Variants in PUS10 observed in about 807,000 individuals in gnomAD.
The protein encoded by PUS10 is tRNA pseudouridine synthase Pus10.
A neutral mutation model predicts 75.0 loss-of-function variants in PUS10; 59 were observed. That is an observed-to-expected ratio of 0.79 (90% CI 0.64 to 0.98). The LOEUF is 0.98. Among genes scored for constraint, PUS10 ranks in the 50% least tolerant of loss-of-function variants. The pLI, the probability that PUS10 is intolerant of heterozygous loss-of-function variation, is 0.00. For synonymous variants in PUS10, 219 were observed against 211.6 expected, an observed-to-expected ratio of 1.03 and a Z score of -0.30; for missense variants, 650 against 614.4, an observed-to-expected ratio of 1.06 and a Z score of -0.61.
rs192799078 is a variant in PUS10, at chr2:60,944,191, T to C, written c.1551+818A>G. 12 of 981,978 alleles carry C rather than the reference T, an allele frequency of 1.2e-5. No homozygotes were observed. The East Asian group carries it at 8.0e-4, about 65-fold the overall frequency. 60.8% of individuals were successfully genotyped at this position (981,978 alleles called of 1,614,324 possible). On this transcript the variant is annotated intron_variant, in intron 17 of 17. Transcript: ENST00000316752. ...CAGAAGGTTTTCTTCCTCCAAATGATAGTTTCACTGAAGAGGCTCCCTGCA... is the reference window on the plus strand; with the variant it reads ...CAGAAGGTTTTCTTCCTCCAAATGACAGTTTCACTGAAGAGGCTCCCTGCA...
chr2:61,008,611 G>T, intron 3 of PUS10, 150 bp downstream of exon 3: 1 of 618,328 alleles, frequency 1.6e-6, no homozygotes, highest in East Asian at 3.0e-5. Flanking sequence ...AGTCAGCTGT[G>T]ATTGTACCAC....
At chr2:60,979,295 C>T (rs1438348795) in intron 4 of PUS10, among the ~76,000 whole-genome samples, 2 of 152,132 alleles carry the variant, frequency 1.3e-5, no homozygotes, top group African/African-American at 4.8e-5. Flanking sequence ...CTAAGATTTC[C>T]TCCTTCTCCT....
chr2:61,001,646 T>A (rs531085023), intron 4 of PUS10, among the ~76,000 whole-genome samples: 14 of 152,294 alleles, frequency 9.2e-5, no homozygotes, highest in African/African-American at 2.9e-4. Flanking sequence ...GATCCCAGGT[T>A]GGCAAAAAAT....
intron 14 of PUS10, 75 bp downstream of exon 14, chr2:60,953,858 A>G (rs577708623): frequency 2.7e-6 from 3 of 1,093,050 alleles, no homozygotes; most frequent in South Asian, 1.3e-5. Context: ...TTCTGGATGC[A>G]ATTCCCTTAT....
intron 5 of PUS10, 58 bp from the exon 6 acceptor site, chr2:60,967,671 G>C (rs1462908450): frequency 5.1e-6 from 6 of 1,179,758 alleles, no homozygotes; most frequent in Middle Eastern, 2.0e-4. Flanking sequence ...TCTATTAAAG[G>C]CAAGAATTTA....
Position 60,950,784 on chromosome 2 carries a change from C to T in PUS10, c.1308+2213G>A, listed in dbSNP as rs142293988. Among the ~76,000 whole-genome samples, 623 of 152,146 alleles carry T rather than the reference C, an allele frequency of 4.1e-3. 7 individuals are homozygous for T. Among genetic ancestry groups the T allele is most frequent in the African/African-American group, 0.014 (584 of 41,502 alleles). ...ACTCTACCATTTCCTTATTGAGGGA[C>T]GCTGATTTTGTTCCCAGTCTTTTTG... On this transcript the variant is annotated intron_variant, in intron 15 of 17. Coordinates refer to ENST00000316752, the MANE Select transcript of PUS10 (RefSeq NM_144709.4).
chr2:60,947,179 A>G (rs1046864796), intron 16 of PUS10, among the ~76,000 whole-genome samples: 1 of 152,178 alleles, frequency 6.6e-6, no homozygotes, highest in Admixed American at 6.5e-5. Flanking sequence ...AAATGGTGCT[A>G]ACTAACTAAT....
Position 60,965,091 on chromosome 2 carries a change from G to A in PUS10, c.690C>T (p.Cys230=), listed in dbSNP as rs771103443. The A allele has an allele frequency of 6.8e-6, 11 of 1,613,326 alleles. No homozygotes were observed. Among genetic ancestry groups the A allele is most frequent in the Non-Finnish European group, 9.3e-6 (11 of 1,179,456 alleles). The change falls in exon 8 of 18, where the codon TGC becomes TGT. Residue 230 remains cysteine (C), a synonymous_variant. Transcript: ENST00000316752. ...TTTTGGCTGGCTTAAAACAATCTGG[G>A]CATATCGCAGCTCTAAAATAAAATT... ...VEDCHFLAAI[C]PDCFKPAKNK...
At chr2:60,962,693 G>C (rs910119194) in intron 9 of PUS10, 133 bp downstream of exon 9, 6 of 1,399,668 alleles carry the variant, frequency 4.3e-6, no homozygotes, top group East Asian at 5.8e-5. Flanking sequence ...GGGTTGGAGA[G>C]ATAACAATGA....
intron 4 of PUS10, among the ~76,000 whole-genome samples, chr2:60,980,455 T>G (rs1677311868): frequency 1.3e-5 from 2 of 152,224 alleles, no homozygotes; most frequent in Admixed American, 1.3e-4. Context: ...AGGATAAGGC[T>G]GACCTGTGAT....
At chr2:61,007,834 C>T (rs1206934826) in intron 3 of PUS10, among the ~76,000 whole-genome samples, 1 of 151,544 alleles carries the variant, frequency 6.6e-6, no homozygotes, top group African/African-American at 2.4e-5. Flanking sequence ...GCCTGTAATC[C>T]CAGCACTTTG....
At chr2:60,985,370 T>C (rs1022870556) in intron 4 of PUS10, among the ~76,000 whole-genome samples, 1 of 152,202 alleles carries the variant, frequency 6.6e-6, no homozygotes, top group Non-Finnish European at 1.5e-5. Context: ...CTCTCAGCAA[T>C]GAAAAACAGA....
intron 11 of PUS10, 31 bp downstream of exon 11, chr2:60,960,356 AAAAAG>A (rs1377469103): frequency 1.4e-6 from 2 of 1,465,422 alleles, no homozygotes; most frequent in Admixed American, 2.7e-5. Flanking sequence ...AAAAAAAAAA[AAAAAG>A]AAAGAAAAGT....
At position 60,951,236 on chromosome 2, in the gene PUS10, G is replaced by C. The variant is rs189961119; in HGVS notation, c.1308+1761C>G. 2.0e-5 allele frequency among the ~76,000 whole-genome samples: 3 copies of C among 152,170 alleles called. No individual in the cohort carries two copies. In the South Asian group the frequency reaches 6.2e-4, roughly 32 times the overall value. On this transcript the variant is annotated intron_variant, in intron 15 of 17. Transcript: ENST00000316752. ...TATACATATATATGCGTTTGTGTGT[G>C]CTTAAATCAGCAGTCCCCAACCTTT... is the stretch of plus-strand genomic sequence containing the variant.
In PUS10 at chr2:60,953,104, C is replaced by T; in HGVS notation, c.1201G>A (p.Gly401Arg). The change falls in exon 15 of 18, where the codon GGA becomes AGA. Residue 401 changes from glycine to arginine, a missense_variant. Physicochemically the swap from Gly to Arg is moderately radical, Grantham distance 125. Coordinates refer to ENST00000316752, the MANE Select transcript of PUS10 (RefSeq NM_144709.4). ...DLQLVTREAI[G>R]HMKEGEEEKT... ...TCTTCTTCACCTTCTTTCATATGTC[C>T]TATTGCCTCTCTAAACAAAAACAAT... 6.4e-7 allele frequency: 1 copy of T among 1,561,796 alleles called. No homozygotes were observed. Among genetic ancestry groups the T allele is most frequent in the South Asian group, 1.1e-5 (1 of 87,400 alleles).
chr2:60,952,219 C>T (rs946740648), intron 15 of PUS10, among the ~76,000 whole-genome samples: 6 of 151,394 alleles, frequency 4.0e-5, no homozygotes, highest in Non-Finnish European at 4.4e-5. Flanking sequence ...CTATAATCTC[C>T]GCTACCCAGG....
chr2:60,973,745 G>A (rs1028979595), intron 4 of PUS10, among the ~76,000 whole-genome samples: 2 of 152,370 alleles, frequency 1.3e-5, no homozygotes, highest in Admixed American at 6.5e-5. Context: ...TGAAGCCTGG[G>A]GGCTGGGCTG....
intron 3 of PUS10, 71 bp from the exon 4 acceptor site, chr2:61,006,714 C>T (rs1027072281): frequency 1.2e-5 from 15 of 1,209,478 alleles, no homozygotes; most frequent in African/African-American, 1.5e-5. Flanking sequence ...ATCTTAATAA[C>T]ATGAATTTCT....
chr2:60,961,327 G>C, intron 10 of PUS10, 136 bp downstream of exon 10: 3 of 703,120 alleles, frequency 4.3e-6, no homozygotes, highest in African/African-American at 3.5e-5. Flanking sequence ...TTTGGCTATT[G>C]ATTCTACTTC....
Sources: gnomAD v4.1 joint callset for allele counts (sites outside exome capture counted in the v4.1 genomes callset) on GRCh38, gnomAD v4.1.1 for gene constraint, MANE v1.5 for transcripts, NCBI Gene and HGNC (gene_info 2026-07-23, HGNC 2026-07-21) for gene names.